OR2W1: variants seen among roughly 807,000 people sequenced by gnomAD.
OR2W1 encodes the protein olfactory receptor family 2 subfamily W member 1, also known as olfactory receptor 2W1.
For missense variants in OR2W1, 367 were observed against 385.3 expected (o/e 0.95, Z 0.40); for synonymous variants, 133 against 137.8 (o/e 0.97, Z 0.24).
chr6:29,044,539 G>C lies in OR2W1; in HGVS notation c.637C>G (p.Leu213Val). 1 of 1,613,016 alleles carries C rather than the reference G, an allele frequency of 6.2e-7. No homozygotes were observed. Among genetic ancestry groups the C allele is most frequent in the Non-Finnish European group, 8.5e-7 (1 of 1,179,992 alleles). The part of the protein sequence containing the change: ...GIIIVLTPLI[L>V]ILISYGYIAK... ...ATGTAGCCATAGGATATAAGAATAA[G>C]GATGAGAGGTGTGAGGACAATTATA... The change falls in exon 1 of 1, where the codon CTT (leucine) becomes GTT (valine). Residue 213 changes from leucine (L) to valine (V), a missense_variant. Physicochemically the swap from Leu to Val is conservative, Grantham distance 32. Coordinates refer to ENST00000377175, the MANE Select transcript of OR2W1 (RefSeq NM_030903.3). This position sits in a 1 kb window ranked among gnomAD's most constrained non-coding sequence, Gnocchi z 4.3.
Position 29,045,038 on chromosome 6 carries a change from A to G in OR2W1, c.138T>C (p.Ile46=). 6.2e-7 allele frequency: 1 copy of G among 1,613,076 alleles called. No homozygotes were observed. The highest frequency in any genetic ancestry group is 8.5e-7 in the Non-Finnish European group (1 of 1,180,002). The change falls in exon 1 of 1, where the codon ATT becomes ATC. Residue 46 remains isoleucine (I), a synonymous_variant. Transcript: ENST00000377175. ...LITLVGNTAI[I]LASLLDSQLH... The stretch of plus-strand genomic sequence containing the variant: ...GCTGGGAATCCAGGAGAGATGCAAG[A>G]ATGATGGCTGTGTTACCCACCAATG...
rs775016214 is a variant in OR2W1, at chr6:29,044,847, A to C, written c.329T>G (p.Val110Gly). The change falls in exon 1 of 1, where the codon GTT (valine) becomes GGT (glycine). Residue 110 changes from valine (V) to glycine (G), a missense_variant. Coordinates refer to ENST00000377175, the MANE Select transcript of OR2W1 (RefSeq NM_030903.3). The surrounding 1 kb of genome is among the most constrained non-coding windows in gnomAD (Gnocchi z 4.3). ...QLYVYMWLGSVECLLLAVMSY... is the reference protein window; with the variant it reads ...QLYVYMWLGSGECLLLAVMSY... ...CATAACAGCCAGGAGAAGGCACTCA[A>C]CTGAGCCCAACCACATGTAAACATA... The C allele has an allele frequency of 3.1e-6, 5 of 1,612,916 alleles. No individual in the cohort carries two copies. Among genetic ancestry groups the C allele is most frequent in the Non-Finnish European group, 4.2e-6 (5 of 1,180,006 alleles).
Position 29,044,526 on chromosome 6 carries a change from G to A in OR2W1, c.650C>T (p.Ser217Phe). ...CACAGCTTTGGCAATGTAGCCATAG[G>A]ATATAAGAATAAGGATGAGAGGTGT... ...VLTPLILILI[S>F]YGYIAKAVLR... is the part of the protein sequence containing the mutation. The change falls in exon 1 of 1, where the codon TCC becomes TTC. Residue 217 changes from serine (S) to phenylalanine (F), a missense_variant. By Grantham distance (155) the Ser-to-Phe change is radical. Coordinates refer to ENST00000377175, the MANE Select transcript of OR2W1 (RefSeq NM_030903.3). This position sits in a 1 kb window ranked among gnomAD's most constrained non-coding sequence, Gnocchi z 4.3. The A allele has an allele frequency of 6.2e-7, 1 of 1,612,996 alleles. No individual in the cohort carries two copies. The highest frequency in any genetic ancestry group is 8.5e-7 in the Non-Finnish European group (1 of 1,179,992).
At position 29,044,557 on chromosome 6, in the gene OR2W1, C is replaced by G. The variant is rs757937719; in HGVS notation, c.619G>C (p.Val207Leu). 2 of 1,612,968 alleles carry G rather than the reference C, an allele frequency of 1.2e-6. No individual in the cohort carries two copies. Among genetic ancestry groups the G allele is most frequent in the South Asian group, 2.2e-5 (2 of 91,074 alleles). The change falls in exon 1 of 1, where the codon GTC (valine) becomes CTC (leucine). Residue 207 changes from valine to leucine, a missense_variant. Coordinates refer to ENST00000377175, the MANE Select transcript of OR2W1 (RefSeq NM_030903.3). This position sits in a 1 kb window ranked among gnomAD's most constrained non-coding sequence, Gnocchi z 4.3. ...AGAATAAGGATGAGAGGTGTGAGGA[C>G]AATTATAATGCCTAAAGCGAAAACA... is the stretch of plus-strand genomic sequence containing the variant. ...MSVFALGIII[V>L]LTPLILILIS...
rs1185869671 is a variant in OR2W1 at position 29,044,561 on chromosome 6, TATA to T, written c.612_614del (p.Ile206del). 3 of 1,612,928 alleles carry T rather than the reference TATA, an allele frequency of 1.9e-6. No homozygotes were observed. Among genetic ancestry groups the T allele is most frequent in the Non-Finnish European group, 2.5e-6 (3 of 1,180,004 alleles). On this transcript the variant is annotated inframe_deletion, in exon 1 of 1. Transcript: ENST00000377175. The surrounding 1 kb of genome is among the most constrained non-coding windows in gnomAD (Gnocchi z 4.3). Reference sequence around the variant, plus strand: ...TAAGGATGAGAGGTGTGAGGACAATTATAATGCCTAAAGCGAAAACAGACATTT... The same window carrying T: ...TAAGGATGAGAGGTGTGAGGACAATTATGCCTAAAGCGAAAACAGACATTT...
At position 29,044,633 on chromosome 6, in the gene OR2W1, C is replaced by T; in HGVS notation, c.543G>A (p.Leu181=). 6.2e-7 allele frequency: 1 copy of T among 1,612,994 alleles called. No individual in the cohort carries two copies. Among genetic ancestry groups the T allele is most frequent in the East Asian group, 2.2e-5 (1 of 44,886 alleles). The change falls in exon 1 of 1, where the codon TTG becomes TTA. Residue 181 remains leucine, a synonymous_variant. Coordinates refer to ENST00000377175, the MANE Select transcript of OR2W1 (RefSeq NM_030903.3). The surrounding 1 kb of genome is among the most constrained non-coding windows in gnomAD (Gnocchi z 4.3). ...NNILDHFLCE[L]PALVKIACVD... ...CACAAGCTATCTTGACCAGAGCTGG[C>T]AACTCACACAAGAAATGATCCAGAA...
rs757422512 is a variant in OR2W1, at chr6:29,044,575, C to T, written c.601G>A (p.Ala201Thr). The T allele has an allele frequency of 2.9e-5, 46 of 1,612,800 alleles. No individual in the cohort carries two copies. Among genetic ancestry groups the T allele is most frequent in the Non-Finnish European group, 3.5e-5 (41 of 1,179,964 alleles). The change falls in exon 1 of 1, where the codon GCT becomes ACT. Residue 201 changes from alanine (A) to threonine (T), a missense_variant. Ala to Thr is a moderately conservative substitution (Grantham distance 58). Transcript: ENST00000377175. This position sits in a 1 kb window ranked among gnomAD's most constrained non-coding sequence, Gnocchi z 4.3. ...GTGAGGACAATTATAATGCCTAAAG[C>T]GAAAACAGACATTTCAACTGTTGTG... The part of the protein sequence containing the change: ...DTTTVEMSVF[A>T]LGIIIVLTPL...
chr6:29,045,031 A>AT lies in OR2W1; in HGVS notation c.144dup (p.Ser49IlefsTer41). ...GTATGAAGCTGGGAATCCAGGAGAG[A>AT]TGCAAGAATGATGGCTGTGTTACCC... On this transcript the variant is annotated frameshift_variant, in exon 1 of 1. Transcript: ENST00000377175. LOFTEE classifies it low-confidence loss of function (END_TRUNC). 6.2e-7 allele frequency: 1 copy of AT among 1,613,032 alleles called. No homozygotes were observed. Among genetic ancestry groups the AT allele is most frequent in the African/African-American group, 1.3e-5 (1 of 75,050 alleles).
In OR2W1 at chr6:29,044,981, A is replaced by C. The variant is rs1234220888; in HGVS notation, c.195T>G (p.Asn65Lys). The C allele has an allele frequency of 5.0e-6, 8 of 1,612,986 alleles. No homozygotes were observed. Among genetic ancestry groups the C allele is most frequent in the Non-Finnish European group, 5.9e-6 (7 of 1,179,976 alleles). Residue 65 changes from asparagine (N) to lysine (K), a missense_variant, in exon 1 of 1, where the codon AAT (asparagine) becomes AAG (lysine). Asn to Lys is a moderately conservative substitution (Grantham distance 94, BLOSUM62 0). Coordinates refer to ENST00000377175, the MANE Select transcript of OR2W1 (RefSeq NM_030903.3). This position sits in a 1 kb window ranked among gnomAD's most constrained non-coding sequence, Gnocchi z 4.3. ...TGAAACATAGATCTAGGAAAGATAA[A>C]TTTCTGAGGAAAAAGTACATTGGTG... ...LHTPMYFFLRNLSFLDLCFTT... is the reference protein window; with the variant it reads ...LHTPMYFFLRKLSFLDLCFTT...
At position 29,044,999 on chromosome 6, in the gene OR2W1, C is replaced by T; in HGVS notation, c.177G>A (p.Met59Ile). 6.2e-7 allele frequency: 1 copy of T among 1,612,862 alleles called. No individual in the cohort carries two copies. The highest frequency in any genetic ancestry group is 1.3e-5 in the African/African-American group (1 of 74,982). ...SLLDSQLHTP[M>I]YFFLRNLSFL... The stretch of plus-strand genomic sequence containing the variant: ...AAGATAAATTTCTGAGGAAAAAGTA[C>T]ATTGGTGTATGAAGCTGGGAATCCA... The change falls in exon 1 of 1, where the codon ATG becomes ATA. Residue 59 changes from methionine to isoleucine, a missense_variant. By Grantham distance (10) the Met-to-Ile change is conservative (BLOSUM62 1). Transcript: ENST00000377175. The surrounding 1 kb of genome is among the most constrained non-coding windows in gnomAD (Gnocchi z 4.3).
Position 29,044,778 on chromosome 6 carries a change from A to G in OR2W1, c.398T>C (p.Phe133Ser). 1.2e-6 allele frequency: 2 copies of G among 1,612,986 alleles called. No homozygotes were observed. Among genetic ancestry groups the G allele is most frequent in the Non-Finnish European group, 1.7e-6 (2 of 1,179,988 alleles). Reference protein sequence around the residue: ...FTAICKPLHYFVVMNPHLCLK... With the variant: ...FTAICKPLHYSVVMNPHLCLK... Reference sequence around the variant, plus strand: ...ACATAGATGTGGGTTCATGACTACAAAATAATGCAAGGGCTTACATATAGC... The same window carrying G: ...ACATAGATGTGGGTTCATGACTACAGAATAATGCAAGGGCTTACATATAGC... Residue 133 changes from phenylalanine to serine, a missense_variant, in exon 1 of 1, where the codon TTT (phenylalanine) becomes TCT (serine). Physicochemically the swap from Phe to Ser is radical, Grantham distance 155. Coordinates refer to ENST00000377175, the MANE Select transcript of OR2W1 (RefSeq NM_030903.3). The surrounding 1 kb of genome is among the most constrained non-coding windows in gnomAD (Gnocchi z 4.3).
chr6:29,044,376 G>T lies in OR2W1; in HGVS notation c.800C>A (p.Ser267Tyr). The T allele has an allele frequency of 6.2e-7, 1 of 1,612,854 alleles. No individual in the cohort carries two copies. The highest frequency in any genetic ancestry group is 8.5e-7 in the Non-Finnish European group (1 of 1,179,930). ...GGTGAGGAACTTGCCCTGGTCTTTGGAAGCCCTGTTACCTGGTTGCAGGTA... is the reference window on the plus strand; with the variant it reads ...GGTGAGGAACTTGCCCTGGTCTTTGTAAGCCCTGTTACCTGGTTGCAGGTA... The part of the protein sequence containing the change: ...YMYLQPGNRA[S>Y]KDQGKFLTLF... The change falls in exon 1 of 1, where the codon TCC (serine) becomes TAC (tyrosine). Residue 267 changes from serine (S) to tyrosine (Y), a missense_variant. Ser to Tyr is a moderately radical substitution (Grantham distance 144, BLOSUM62 -2). Coordinates refer to ENST00000377175, the MANE Select transcript of OR2W1 (RefSeq NM_030903.3). This position sits in a 1 kb window ranked among gnomAD's most constrained non-coding sequence, Gnocchi z 4.3.
chr6:29,044,487 G>T lies in OR2W1; in HGVS notation c.689C>A (p.Ser230Ter). The T allele has an allele frequency of 1.2e-6, 2 of 1,612,972 alleles. No homozygotes were observed. The highest frequency in any genetic ancestry group is 2.2e-5 in the South Asian group (2 of 91,056). The change falls in exon 1 of 1, where the codon TCA becomes TAA. Residue 230 changes from serine (S) to a stop codon, truncating the protein, a stop_gained. Coordinates refer to ENST00000377175, the MANE Select transcript of OR2W1 (RefSeq NM_030903.3). LOFTEE classifies it low-confidence loss of function (END_TRUNC). The surrounding 1 kb of genome is among the most constrained non-coding windows in gnomAD (Gnocchi z 4.3). Reference protein sequence around the residue: ...YIAKAVLRTKSKASQRKAMNT... With the variant: ...YIAKAVLRTK The stretch of plus-strand genomic sequence containing the variant: ...CATTGCTTTTCGCTGGCTTGCTTTT[G>T]ACTTCGTTCTCAGCACAGCTTTGGC...
In OR2W1 at chr6:29,044,256, A is replaced by G. The variant is rs147337477; in HGVS notation, c.920T>C (p.Phe307Ser). The G allele has an allele frequency of 3.1e-6, 5 of 1,596,738 alleles. No individual in the cohort carries two copies. Among genetic ancestry groups the G allele is most frequent in the African/African-American group, 2.7e-5 (2 of 74,076 alleles). ...MKDALKKLMR[F>S]HHKSTKIKRN... ...CTTTATTTTTGTAGATTTGTGGTGAAATCTCATCAGTTTCTTCAGGGCATC... is the reference window on the plus strand; with the variant it reads ...CTTTATTTTTGTAGATTTGTGGTGAGATCTCATCAGTTTCTTCAGGGCATC... The change falls in exon 1 of 1, where the codon TTT (phenylalanine) becomes TCT (serine). Residue 307 changes from phenylalanine (F) to serine (S), a missense_variant. Transcript: ENST00000377175. The surrounding 1 kb of genome is among the most constrained non-coding windows in gnomAD (Gnocchi z 4.3).
Position 29,045,077 on chromosome 6 carries a change from G to A in OR2W1, c.99C>T (p.Ile33=). Residue 33 remains isoleucine (I), a synonymous_variant, in exon 1 of 1, where the codon ATC becomes ATT. Transcript: ENST00000377175. The part of the protein sequence containing the change: ...MEMILSGVVA[I]FYLITLVGNT... The stretch of plus-strand genomic sequence containing the variant: ...TACCCACCAATGTAATTAAGTAGAA[G>A]ATGGCGACAACTCCTGACAGGATCA... 1 of 1,613,020 alleles carries A rather than the reference G, an allele frequency of 6.2e-7. No homozygotes were observed. Among genetic ancestry groups the A allele is most frequent in the South Asian group, 1.1e-5 (1 of 91,086 alleles).
rs1331408669 is a variant in OR2W1 at position 29,044,723 on chromosome 6, A to G, written c.453T>C (p.Ile151=). The G allele has an allele frequency of 1.9e-6, 3 of 1,612,966 alleles. No homozygotes were observed. The highest frequency in any genetic ancestry group is 2.5e-6 in the Non-Finnish European group (3 of 1,179,988). Residue 151 remains isoleucine (I), a synonymous_variant, in exon 1 of 1, where the codon ATT becomes ATC. Coordinates refer to ENST00000377175, the MANE Select transcript of OR2W1 (RefSeq NM_030903.3). This position sits in a 1 kb window ranked among gnomAD's most constrained non-coding sequence, Gnocchi z 4.3. ...CLKMIIMIWS[I]SLANSVVLCT... ...ATAATACTACAGAATTGGCCAAACT[A>G]ATACTCCAGATCATGATAATCATCT... is the stretch of plus-strand genomic sequence containing the variant.
In OR2W1 at chr6:29,044,526, G is replaced by T; in HGVS notation, c.650C>A (p.Ser217Tyr). The change falls in exon 1 of 1, where the codon TCC (serine) becomes TAC (tyrosine). Residue 217 changes from serine to tyrosine, a missense_variant. By Grantham distance (144) the Ser-to-Tyr change is moderately radical. Coordinates refer to ENST00000377175, the MANE Select transcript of OR2W1 (RefSeq NM_030903.3). The surrounding 1 kb of genome is among the most constrained non-coding windows in gnomAD (Gnocchi z 4.3). ...VLTPLILILI[S>Y]YGYIAKAVLR... Reference sequence around the variant, plus strand: ...CACAGCTTTGGCAATGTAGCCATAGGATATAAGAATAAGGATGAGAGGTGT... The same window carrying T: ...CACAGCTTTGGCAATGTAGCCATAGTATATAAGAATAAGGATGAGAGGTGT... 1 of 1,612,996 alleles carries T rather than the reference G, an allele frequency of 6.2e-7. No homozygotes were observed. Among genetic ancestry groups the T allele is most frequent in the Non-Finnish European group, 8.5e-7 (1 of 1,179,992 alleles).
Position 29,044,522 on chromosome 6 carries a change from A to G in OR2W1, c.654T>C (p.Tyr218=), listed in dbSNP as rs976844811. 1.9e-5 allele frequency: 30 copies of G among 1,612,908 alleles called. No individual in the cohort carries two copies. The highest frequency in any genetic ancestry group is 2.5e-5 in the Non-Finnish European group (29 of 1,180,000). Residue 218 remains tyrosine (Y), a synonymous_variant, in exon 1 of 1, where the codon TAT becomes TAC. Transcript: ENST00000377175. The surrounding 1 kb of genome is among the most constrained non-coding windows in gnomAD (Gnocchi z 4.3). ...TCAGCACAGCTTTGGCAATGTAGCC[A>G]TAGGATATAAGAATAAGGATGAGAG... ...LTPLILILIS[Y]GYIAKAVLRT...
chr6:29,044,217 G>A lies in OR2W1; in HGVS notation c.959C>T (p.Ser320Leu), dbSNP rs969277042. ...CTTATTCACTCTAGTCTTTATCTAT[G>A]ACTTGCAATTCCTCTTTATTTTTGT... ...KSTKIKRNCK[S>L] is the part of the protein sequence containing the mutation. Residue 320 changes from serine to leucine, a missense_variant, in exon 1 of 1, where the codon TCA becomes TTA. Transcript: ENST00000377175. The surrounding 1 kb of genome is among the most constrained non-coding windows in gnomAD (Gnocchi z 4.3). 4.5e-6 allele frequency: 7 copies of A among 1,547,668 alleles called. No homozygotes were observed. The highest frequency in any genetic ancestry group is 6.1e-6 in the Non-Finnish European group (7 of 1,148,834).
Sources: allele counts gnomAD v4.1 joint callset, GRCh38; gene constraint gnomAD v4.1.1; non-coding constraint Gnocchi (gnomAD v3.1); transcripts MANE v1.5; gene names NCBI Gene and HGNC (gene_info 2026-07-23, HGNC 2026-07-21).